The following SLC35F3 variants were observed in gnomAD, a reference collection of about 807,000 sequenced individuals.
The protein encoded by SLC35F3 is putative thiamine transporter SLC35F3.
In SLC35F3, 25 loss-of-function variants were observed where a neutral mutation model predicts 49.9. The observed-to-expected ratio is 0.50, with a 90% CI of 0.37 to 0.70. The LOEUF is 0.70. SLC35F3 is among the 30% of genes least tolerant of loss of function. SLC35F3 has a pLI of 0.00. For missense variants in SLC35F3, 525 were observed against 639.8 expected, an observed-to-expected ratio of 0.82 and a Z score of 1.94; for synonymous variants, 275 against 265.4, an observed-to-expected ratio of 1.04 and a Z score of -0.35.
intron 2 of SLC35F3, among the ~76,000 whole-genome samples, chr1:234,226,305 G>C (rs940971183): frequency 2.6e-5 from 4 of 152,148 alleles, no homozygotes; most frequent in South Asian, 2.1e-4. Flanking sequence ...ACACCAGCCA[G>C]CTGGTGGTCT....
chr1:234,322,131 T>C (rs1471511185), intron 7 of SLC35F3, among the ~76,000 whole-genome samples: 1 of 150,904 alleles, frequency 6.6e-6, no homozygotes, highest in East Asian at 1.9e-4. Flanking sequence ...GAGGTGGAGG[T>C]TGCAGTGAGC....
chr1:234,028,968 T>A (rs1664018016), intron 2 of SLC35F3, among the ~76,000 whole-genome samples: 1 of 152,196 alleles, frequency 6.6e-6, no homozygotes, highest in African/African-American at 2.4e-5. Context: ...CAGCTAAAAC[T>A]TGAATGAACT....
intron 2 of SLC35F3, among the ~76,000 whole-genome samples, chr1:234,137,990 GA>G (rs146869286): frequency 0.038 from 5,739 of 152,264 alleles, 142 homozygotes; most frequent in Middle Eastern, 0.068. Context: ...AAGAATGGAA[GA>G]GAGAGAGTTA....
intron 2 of SLC35F3, among the ~76,000 whole-genome samples, chr1:233,951,156 T>C (rs1319998868): frequency 2.0e-5 from 3 of 151,236 alleles, no homozygotes; most frequent in African/African-American, 7.4e-5. Flanking sequence ...TGAAAGAACA[T>C]AGAGTCATGC....
chr1:234,137,295 C>A (rs2102901162), intron 2 of SLC35F3, among the ~76,000 whole-genome samples: 1 of 152,260 alleles, frequency 6.6e-6, no homozygotes, highest in East Asian at 1.9e-4. Context: ...GGCAGAAAAA[C>A]CAGGTGGCAG....
intron 2 of SLC35F3, among the ~76,000 whole-genome samples, chr1:234,198,051 C>G (rs1666841394): frequency 6.6e-6 from 1 of 152,182 alleles, no homozygotes; most frequent in Non-Finnish European, 1.5e-5. Context: ...ACATAAAACA[C>G]AGGATGGGCA....
At chr1:234,052,000 G>A (rs60223502) in intron 2 of SLC35F3, among the ~76,000 whole-genome samples, 11,326 of 152,208 alleles carry the variant, frequency 0.074, 673 homozygotes, top group East Asian at 0.25. Context: ...CAACTTGATC[G>A]TGGTGGATAA....
At chr1:233,958,470 G>T (rs774296076) in intron 2 of SLC35F3, among the ~76,000 whole-genome samples, 1 of 152,154 alleles carries the variant, frequency 6.6e-6, no homozygotes, top group African/African-American at 2.4e-5. Context: ...TACCTATGAG[G>T]TCTATTCCAG....
At chr1:233,938,442 A>G (rs1662367961) in intron 2 of SLC35F3, among the ~76,000 whole-genome samples, 1 of 152,188 alleles carries the variant, frequency 6.6e-6, no homozygotes, top group Admixed American at 6.5e-5. Context: ...GAGGCAACCT[A>G]AGAATATTGC....
intron 3 of SLC35F3, among the ~76,000 whole-genome samples, chr1:234,270,926 C>T (rs1287110828): frequency 1.3e-5 from 2 of 152,150 alleles, no homozygotes; most frequent in African/African-American, 4.8e-5. Context: ...TTAGTGTTGA[C>T]CAGTGCCAAT....
Position 234,309,113 on chromosome 1 carries a change from A to C in SLC35F3, c.621A>C (p.Arg207=). 6.2e-7 allele frequency: 1 copy of C among 1,613,716 alleles called. No homozygotes were observed. The highest frequency in any genetic ancestry group is 8.5e-7 in the Non-Finnish European group (1 of 1,179,940). ...SVKQRYRECC[R]FFGDNGLTLK... ...TTCCTTGTTTTAGGGAATGCTGTCG[A>C]TTTTTTGGAGACAATGGCTTGACTT... Residue 207 remains arginine, a synonymous_variant, in exon 4 of 8, where the codon CGA becomes CGC. Transcript: ENST00000366618.
intron 2 of SLC35F3, among the ~76,000 whole-genome samples, chr1:233,994,049 C>T (rs1663415572): frequency 6.6e-6 from 1 of 152,144 alleles, no homozygotes. Flanking sequence ...TGTCACCGTG[C>T]AATCTGAGAA....
intron 2 of SLC35F3, among the ~76,000 whole-genome samples, chr1:234,202,434 A>G (rs1173681271): frequency 2.0e-5 from 3 of 152,368 alleles, no homozygotes; most frequent in African/African-American, 7.2e-5. Flanking sequence ...AAATAAATTT[A>G]CACCAAGAAG....
chr1:233,919,337 G>A (rs1662023445), intron 2 of SLC35F3, among the ~76,000 whole-genome samples: 1 of 152,202 alleles, frequency 6.6e-6, no homozygotes, highest in Admixed American at 6.5e-5. Context: ...GCCTAGGACA[G>A]AGTCCACCTT....
chr1:233,983,040 C>T (rs1663210855), intron 2 of SLC35F3, among the ~76,000 whole-genome samples: 1 of 152,176 alleles, frequency 6.6e-6, no homozygotes, highest in Non-Finnish European at 1.5e-5. Context: ...GTTCCTGTAG[C>T]TCTCCACGTG....
chr1:233,974,174 C>CTTTTT (rs757673463), intron 2 of SLC35F3, among the ~76,000 whole-genome samples: 105 of 83,122 alleles, frequency 1.3e-3, no homozygotes, highest in East Asian at 2.5e-3. Context: ...ATTTCTATTT[C>CTTTTT]TTTTTTTTTT....
At position 234,286,976 on chromosome 1, in the gene SLC35F3, C is replaced by T. The variant is rs542241000; in HGVS notation, c.609-22125C>T. On this transcript the variant is annotated intron_variant, in intron 3 of 7. Transcript: ENST00000366618. ...CTTCAGGCCAGGAGTTTGAGATCAG[C>T]TTGGGCAACATAGCAGGCTGTGTTA... is the stretch of plus-strand genomic sequence containing the variant. 3.9e-5 allele frequency among the ~76,000 whole-genome samples: 6 copies of T among 152,260 alleles called. No individual in the cohort carries two copies. In the East Asian group the frequency reaches 7.7e-4, roughly 20 times the overall value.
intron 2 of SLC35F3, among the ~76,000 whole-genome samples, chr1:234,118,653 G>A (rs1037551736): frequency 6.6e-6 from 1 of 152,130 alleles, no homozygotes. Context: ...GGCTCTATGT[G>A]ATTCATTTAG....
chr1:233,997,583 C>T (rs767760597), intron 2 of SLC35F3, among the ~76,000 whole-genome samples: 1 of 152,138 alleles, frequency 6.6e-6, no homozygotes, highest in East Asian at 1.9e-4. Flanking sequence ...TTCAGCCTTT[C>T]TTGATCCTCC....
Sources: allele counts gnomAD v4.1 joint callset (sites outside exome capture counted in the v4.1 genomes callset), GRCh38; gene constraint gnomAD v4.1.1; transcripts MANE v1.5; gene names NCBI Gene and HGNC (gene_info 2026-07-23, HGNC 2026-07-21).